GADL1: variants seen among roughly 807,000 people sequenced by gnomAD.
The protein encoded by GADL1 is GAD like acidic amino acid decarboxylase 1, also known as acidic amino acid decarboxylase GADL1.
Under a neutral mutation model 69.5 loss-of-function variants are expected in GADL1, and 71 were observed. That is an observed-to-expected ratio of 1.02 (90% CI 0.84 to 1.25). GADL1 has a LOEUF of 1.25. Ranked by LOEUF, GADL1 falls within the 50% of genes most tolerant of loss-of-function variation. The probability of loss-of-function intolerance (pLI) is 0.00; values close to 1 mark genes in which losing one functional copy is unlikely to be tolerated. For missense variants in GADL1, 737 were observed against 631.8 expected, an observed-to-expected ratio of 1.17 and a Z score of -1.79; for synonymous variants, 254 against 214.4, an observed-to-expected ratio of 1.18 and a Z score of -1.62.
At chr3:30,890,459 G>A (rs1198534018) in intron 1 of GADL1, among the ~76,000 whole-genome samples, 1 of 152,156 alleles carries the variant, frequency 6.6e-6, no homozygotes, top group African/African-American at 2.4e-5. Context: ...AAACACATTA[G>A]AAAAACCAGT....
At chr3:30,769,486 G>T (rs1168485100) in intron 14 of GADL1, among the ~76,000 whole-genome samples, 1 of 152,116 alleles carries the variant, frequency 6.6e-6, no homozygotes, top group Non-Finnish European at 1.5e-5. Context: ...CTTCTGGCTT[G>T]AGGGAAATTC....
chr3:30,844,857 G>A (rs925945559), intron 6 of GADL1, among the ~76,000 whole-genome samples: 2 of 152,252 alleles, frequency 1.3e-5, no homozygotes, highest in South Asian at 2.1e-4. Flanking sequence ...CTAGGACACC[G>A]GAGGCTGTTG....
intron 14 of GADL1, among the ~76,000 whole-genome samples, chr3:30,777,556 A>G (rs1460535895): frequency 6.6e-6 from 1 of 152,232 alleles, no homozygotes; most frequent in Non-Finnish European, 1.5e-5. Context: ...AGGCAGGATT[A>G]TAACTGGCAG....
At chr3:30,751,497 T>C (rs969395461) in intron 14 of GADL1, among the ~76,000 whole-genome samples, 1 of 151,280 alleles carries the variant, frequency 6.6e-6, no homozygotes. Flanking sequence ...AACTAGAACC[T>C]GGGCAACTAG....
intron 14 of GADL1, among the ~76,000 whole-genome samples, chr3:30,772,730 T>C (rs1696443603): frequency 6.6e-6 from 1 of 151,884 alleles, no homozygotes; most frequent in East Asian, 1.9e-4. Context: ...CAAAACATTA[T>C]CAGGGCATAG....
At chr3:30,864,638 G>A (rs749174241) in intron 1 of GADL1, among the ~76,000 whole-genome samples, 5 of 151,922 alleles carry the variant, frequency 3.3e-5, no homozygotes, top group African/African-American at 4.8e-5. Context: ...ATTTGTCCAG[G>A]TCAGAAAAGG....
At chr3:30,828,479 T>TTG (rs1553601346) in intron 11 of GADL1, among the ~76,000 whole-genome samples, 7 of 133,318 alleles carry the variant, frequency 5.3e-5, no homozygotes, top group African/African-American at 1.7e-4. Flanking sequence ...AAAATAAAAG[T>TTG]GGGGGGGGTG....
In GADL1 at chr3:30,800,840, CACACACACACAGAAAG is replaced by C. The variant is rs1697144304; in HGVS notation, c.1250+33_1250+48del. On this transcript the variant is annotated intron_variant, in intron 12 of 14. Transcript: ENST00000282538. ...ACACACACACACACACACACACACA[CACACACACACAGAAAG>C]AGAGAGAGAGAGAGAGAGAGAGAGG... 4.7e-6 allele frequency: 6 copies of C among 1,265,016 alleles called. No individual in the cohort carries two copies. The South Asian group carries it at 5.0e-5, about 11-fold the overall frequency. 78.4% of individuals were successfully genotyped at this position (1,265,016 alleles called of 1,614,324 possible).
rs148660336 is a variant in GADL1 at position 30,867,423 on chromosome 3, C to CATATAT, written c.38-5664_38-5659dup. Among the ~76,000 whole-genome samples, 465 of 115,094 alleles carry CATATAT rather than the reference C, an allele frequency of 4.0e-3. 3 individuals carry two copies. The highest frequency in any genetic ancestry group is 0.012 in the African/African-American group (433 of 35,698). The allele number at this position is 115,094 out of a possible 152,430, so 75.5% of individuals were successfully genotyped here. A position where few individuals can be genotyped will look rare whatever the true frequency, so the allele number is the denominator to read the frequency against. ...TAAGAACTGAAAAATTACAATACTACATATATATATATATATACACATATA... is the reference window on the plus strand; with the variant it reads ...TAAGAACTGAAAAATTACAATACTACATATATATATATATATATATATACACATATA... On this transcript the variant is annotated intron_variant, in intron 1 of 14. Coordinates refer to ENST00000282538, the MANE Select transcript of GADL1 (RefSeq NM_207359.3).
At position 30,768,559 on chromosome 3, in the gene GADL1, G is replaced by A. The variant is rs1330789616; in HGVS notation, c.1392+9620C>T. Among the ~76,000 whole-genome samples the A allele has an allele frequency of 8.9e-4, 76 of 85,554 alleles. 1 individual carries two copies. The highest frequency in any genetic ancestry group is 4.5e-4 in the Non-Finnish European group (15 of 33,138). 56.1% of individuals were successfully genotyped at this position (85,554 alleles called of 152,430 possible). ...TTGAGAAGGAGAAGAGGGGGAGAGA[G>A]AAGGGGTGGGGAGGGGGAGGAGAGG... On this transcript the variant is annotated intron_variant, in intron 14 of 14. Coordinates refer to ENST00000282538, the MANE Select transcript of GADL1 (RefSeq NM_207359.3).
chr3:30,872,886 A>C (rs1233040255), intron 1 of GADL1, among the ~76,000 whole-genome samples: 3 of 151,890 alleles, frequency 2.0e-5, no homozygotes, highest in African/African-American at 7.2e-5. Flanking sequence ...AACCAACTAG[A>C]CACACCTTAC....
Position 30,844,408 on chromosome 3 carries a change from C to A in GADL1, c.710G>T (p.Cys237Phe). The A allele has an allele frequency of 6.2e-7, 1 of 1,613,232 alleles. No homozygotes were observed. The highest frequency in any genetic ancestry group is 8.5e-7 in the Non-Finnish European group (1 of 1,179,188). The part of the protein sequence containing the change: ...SFLGIGTENV[C>F]FVETDGRGKM... The stretch of plus-strand genomic sequence containing the variant: ...TTACCTTCCATCTGTTTCCACAAAG[C>A]AAACATTCTCAGTGCCAATCCCAAG... Residue 237 changes from cysteine (C) to phenylalanine (F), a missense_variant, in exon 7 of 15, where the codon TGC becomes TTC. Coordinates refer to ENST00000282538, the MANE Select transcript of GADL1 (RefSeq NM_207359.3).
intron 14 of GADL1, among the ~76,000 whole-genome samples, chr3:30,773,098 AATT>A (rs1319688660): frequency 6.6e-6 from 1 of 152,216 alleles, no homozygotes; most frequent in Non-Finnish European, 1.5e-5. Context: ...CAAACTAATT[AATT>A]ATTGTATAAT....
intron 11 of GADL1, among the ~76,000 whole-genome samples, chr3:30,822,587 C>T (rs969878947): frequency 6.6e-6 from 1 of 151,942 alleles, no homozygotes; most frequent in Non-Finnish European, 1.5e-5. Context: ...TATTAATATG[C>T]ATCTCAAGAA....
rs35529398 is a variant in GADL1 at position 30,800,806 on chromosome 3, GACACACACACACACACACACACACAC to G, written c.1250+57_1250+82del. On this transcript the variant is annotated intron_variant, in intron 12 of 14. Transcript: ENST00000282538. ...GGTCTTCCTATTACAGACACAGATA[GACACACACACACACACACACACACAC>G]ACACACACACACACACACAGAAAGA... 186 of 727,170 alleles carry G rather than the reference GACACACACACACACACACACACACAC, an allele frequency of 2.6e-4. 1 individual carries two copies. The East Asian group carries it at 4.2e-3, about 16-fold the overall frequency. 45.0% of individuals were successfully genotyped at this position (727,170 alleles called of 1,614,324 possible).
At chr3:30,764,371 CAT>C (rs1341025528) in intron 14 of GADL1, among the ~76,000 whole-genome samples, 67 of 152,076 alleles carry the variant, frequency 4.4e-4, no homozygotes, top group Admixed American at 1.3e-4. Context: ...ACACTTAAAA[CAT>C]AATTCTCTTG....
rs547653349 is a variant in GADL1, at chr3:30,762,893, TC to T, written c.1392+15285del. On this transcript the variant is annotated intron_variant, in intron 14 of 14. Coordinates refer to ENST00000282538, the MANE Select transcript of GADL1 (RefSeq NM_207359.3). The stretch of plus-strand genomic sequence containing the variant: ...ACTTAACATTACAATCTCCAGTTCA[TC>T]CATGTTTCAAATGACTGGATCTCAT... 4.6e-3 allele frequency among the ~76,000 whole-genome samples: 705 copies of T among 152,302 alleles called. 4 individuals are homozygous for T. Among genetic ancestry groups the T allele is most frequent in the African/African-American group, 0.016 (678 of 41,548 alleles).
intron 8 of GADL1, among the ~76,000 whole-genome samples, chr3:30,843,989 C>A (rs1412864772): frequency 2.0e-5 from 3 of 152,158 alleles, no homozygotes; most frequent in African/African-American, 4.8e-5. Flanking sequence ...CAAGAATATC[C>A]GGGAAACTCC....
chr3:30,865,686 C>T (rs1698392151), intron 1 of GADL1, among the ~76,000 whole-genome samples: 1 of 152,002 alleles, frequency 6.6e-6, no homozygotes, highest in Non-Finnish European at 1.5e-5. Flanking sequence ...CAAGGCAAAC[C>T]TGGGTTTCTG....
Sources: gnomAD v4.1 joint callset for allele counts (sites outside exome capture counted in the v4.1 genomes callset) on GRCh38, gnomAD v4.1.1 for gene constraint, MANE v1.5 for transcripts, NCBI Gene and HGNC (gene_info 2026-07-23, HGNC 2026-07-21) for gene names.